The following ARMC9 variants were observed in gnomAD, a reference collection of about 807,000 sequenced individuals.
The protein encoded by ARMC9 is lisH domain-containing protein ARMC9.
Under a neutral mutation model 107.0 loss-of-function variants are expected in ARMC9, and 94 were observed. The observed-to-expected ratio is 0.88, with a 90% confidence interval of 0.74 to 1.04. ARMC9 has a LOEUF of 1.04. Ranked by LOEUF, ARMC9 falls within the 50% of genes least tolerant of loss-of-function variation. The pLI is 0.00. For synonymous variants in ARMC9, 380 were observed against 396.9 expected, an observed-to-expected ratio of 0.96 and a Z score of 0.51; for missense variants, 942 against 1,030.1, an observed-to-expected ratio of 0.91 and a Z score of 1.17.
At chr2:231,243,195 T>G (rs1250608669) in intron 9 of ARMC9, among the ~76,000 whole-genome samples, 1 of 149,368 alleles carries the variant, frequency 6.7e-6, no homozygotes, top group Non-Finnish European at 1.5e-5. Context: ...TGCAGTGAGC[T>G]GAGATCACGC....
chr2:231,201,426 C>T (rs1323010904), intron 1 of ARMC9, among the ~76,000 whole-genome samples: 2 of 152,254 alleles, frequency 1.3e-5, no homozygotes, highest in African/African-American at 2.4e-5. Context: ...TTGGGGGTTT[C>T]CACATCCTGG....
chr2:231,328,424 C>T (rs1331838240), intron 19 of ARMC9, among the ~76,000 whole-genome samples: 1 of 152,090 alleles, frequency 6.6e-6, no homozygotes, highest in African/African-American at 2.4e-5. Flanking sequence ...TTCATTTTAT[C>T]AATTTTTTCC....
At chr2:231,320,638 T>C (rs1312494134) in intron 19 of ARMC9, among the ~76,000 whole-genome samples, 5 of 151,934 alleles carry the variant, frequency 3.3e-5, no homozygotes, top group African/African-American at 1.2e-4. Context: ...CTTCTGGAGC[T>C]ATATAGAATA....
At chr2:231,320,489 C>T (rs1183580927) in intron 19 of ARMC9, among the ~76,000 whole-genome samples, 1 of 150,296 alleles carries the variant, frequency 6.7e-6, no homozygotes, top group Non-Finnish European at 1.5e-5. Context: ...GTTTTTTCAT[C>T]TGTAAAAATA....
chr2:231,359,794 C>T (rs931703645), intron 22 of ARMC9, among the ~76,000 whole-genome samples: 1 of 152,248 alleles, frequency 6.6e-6, no homozygotes, highest in Non-Finnish European at 1.5e-5. Context: ...CGCCCAGTGC[C>T]ACCCGCTGGG....
intron 21 of ARMC9, among the ~76,000 whole-genome samples, chr2:231,352,602 G>A (rs2045138261): frequency 6.6e-6 from 1 of 151,564 alleles, no homozygotes; most frequent in Non-Finnish European, 1.5e-5. Context: ...GGGATTACAG[G>A]CGTGAGCCAC....
chr2:231,290,990 CAG>C (rs1232179758), intron 17 of ARMC9, among the ~76,000 whole-genome samples: 5 of 149,242 alleles, frequency 3.4e-5, no homozygotes, highest in African/African-American at 9.9e-5. Context: ...ATAATTCAGC[CAG>C]AGAGTCAATA....
At position 231,371,540 on chromosome 2, in the gene ARMC9, G is replaced by A. The variant is rs2046020471; in HGVS notation, c.*5G>A. 8.1e-7 allele frequency: 1 copy of A among 1,235,578 alleles called. No homozygotes were observed. Among genetic ancestry groups the A allele is most frequent in the South Asian group, 4.1e-5 (1 of 24,638 alleles). 76.5% of individuals were successfully genotyped at this position (1,235,578 alleles called of 1,614,324 possible). ...AGCCAGTCTCACAGGAAGTAAGGAT[G>A]TCCCCGGGTGTCCCCATCACGTTGC... On this transcript the variant is annotated 3_prime_UTR_variant, in exon 25 of 25. Transcript: ENST00000611582.
At chr2:231,264,803 A>AT (rs1559372376) in intron 12 of ARMC9, among the ~76,000 whole-genome samples, 2 of 151,930 alleles carry the variant, frequency 1.3e-5, no homozygotes, top group South Asian at 2.1e-4. Context: ...AGCCTGGTTT[A>AT]TTTTTTTAAG....
chr2:231,331,523 G>A (rs1669081), intron 19 of ARMC9, among the ~76,000 whole-genome samples: 50,195 of 151,930 alleles, frequency 0.33, 8,429 homozygotes, highest in Middle Eastern at 0.38. Context: ...ACTTTAAAGA[G>A]CCTTCTGGAA....
rs1264039002 is a variant in ARMC9 at position 231,297,753 on chromosome 2, A to G, written c.1773+1500A>G. Among the ~76,000 whole-genome samples, 1 of 152,210 alleles carries G rather than the reference A, an allele frequency of 6.6e-6. No individual in the cohort carries two copies. The highest frequency in any genetic ancestry group is 2.4e-5 in the African/African-American group (1 of 41,454). On this transcript the variant is annotated intron_variant, in intron 19 of 24. Transcript: ENST00000611582. The surrounding 1 kb of genome is among the most constrained non-coding windows in gnomAD (Gnocchi z 4.2). ...CTTGGGCAGCCTTCTCTTGATTATA[A>G]TGAGTCACCACCTTTGTGCCTGGCC...
At chr2:231,226,022 G>T (rs1270599967) in intron 6 of ARMC9, among the ~76,000 whole-genome samples, 1 of 152,130 alleles carries the variant, frequency 6.6e-6, no homozygotes, top group African/African-American at 2.4e-5. Context: ...AAACCTGGCT[G>T]ATTTTTGCAT....
At chr2:231,356,822 A>C (rs1315098499) in intron 22 of ARMC9, among the ~76,000 whole-genome samples, 2 of 152,192 alleles carry the variant, frequency 1.3e-5, no homozygotes, top group Non-Finnish European at 2.9e-5. Context: ...ATTTATCCAG[A>C]GATTTCTGCT....
chr2:231,308,497 G>A (rs1292693543), intron 19 of ARMC9, among the ~76,000 whole-genome samples: 1 of 152,134 alleles, frequency 6.6e-6, no homozygotes, highest in Non-Finnish European at 1.5e-5. Context: ...AACTCAGGAG[G>A]CATGACATGA....
At chr2:231,216,189 T>C (rs554488253) in intron 4 of ARMC9, among the ~76,000 whole-genome samples, 10 of 152,280 alleles carry the variant, frequency 6.6e-5, no homozygotes, top group African/African-American at 1.9e-4. Flanking sequence ...TCCAACACCA[T>C]AAAGAAATGC....
rs138409227 is a variant in ARMC9, at chr2:231,199,183, G to A, written c.-42+485G>A. Among the ~76,000 whole-genome samples the A allele has an allele frequency of 3.9e-3, 587 of 152,334 alleles. 9 individuals carry two copies. Among genetic ancestry groups the A allele is most frequent in the South Asian group, 0.022 (108 of 4,830 alleles). ...ACAAATCCCATAATCCCACCCGTTT[G>A]TGGGCCCTAAATCTTTCTTATATAG... On this transcript the variant is annotated intron_variant, in intron 1 of 24. Coordinates refer to ENST00000611582, the MANE Select transcript of ARMC9 (RefSeq NM_001352754.2).
Position 231,226,875 on chromosome 2 carries a change from A to G in ARMC9, c.622+77A>G, listed in dbSNP as rs2034696900. 4 of 1,488,372 alleles carry G rather than the reference A, an allele frequency of 2.7e-6. No individual in the cohort carries two copies. The South Asian group carries it at 4.6e-5, about 17-fold the overall frequency. 92.2% of individuals were successfully genotyped at this position (1,488,372 alleles called of 1,614,324 possible). A position where few individuals can be genotyped will look rare whatever the true frequency, so the allele number is the denominator to read the frequency against. On this transcript the variant is annotated intron_variant, in intron 7 of 24. Coordinates refer to ENST00000611582, the MANE Select transcript of ARMC9 (RefSeq NM_001352754.2). ...TTGAAGTAGTAAGATCGGTGCAAAGATGGAGAGAATTCATGATTTTGGCTT... is the reference window on the plus strand; with the variant it reads ...TTGAAGTAGTAAGATCGGTGCAAAGGTGGAGAGAATTCATGATTTTGGCTT...
At chr2:231,236,423 A>G (rs910556355) in intron 8 of ARMC9, among the ~76,000 whole-genome samples, 2 of 152,186 alleles carry the variant, frequency 1.3e-5, no homozygotes, top group Non-Finnish European at 2.9e-5. Context: ...TCCTGACTCT[A>G]TAAAGTACAA....
intron 19 of ARMC9, among the ~76,000 whole-genome samples, chr2:231,302,459 T>TTTTTTC (rs1559431380): frequency 3.4e-5 from 5 of 146,308 alleles, no homozygotes; most frequent in Admixed American, 6.8e-5. Flanking sequence ...TTTTTTTTTT[T>TTTTTTC]TTTGCCAATC....
Sources: allele counts gnomAD v4.1 joint callset (sites outside exome capture counted in the v4.1 genomes callset), GRCh38; gene constraint gnomAD v4.1.1; non-coding constraint Gnocchi (gnomAD v3.1); transcripts MANE v1.5; gene names NCBI Gene and HGNC (gene_info 2026-07-23, HGNC 2026-07-21).